ATRNL1: variants seen among roughly 807,000 people sequenced by gnomAD.
The protein encoded by ATRNL1 is attractin-like protein 1.
In ATRNL1, 95 loss-of-function variants were observed where a neutral mutation model predicts 182.7. That is an observed-to-expected ratio of 0.52 (90% CI 0.44 to 0.62). ATRNL1 has a LOEUF of 0.62. ATRNL1 is among the 20% of genes least tolerant of loss of function. The pLI, the probability that ATRNL1 is intolerant of heterozygous loss-of-function variation, is 0.00. For synonymous variants in ATRNL1, 576 were observed against 568.3 expected, an observed-to-expected ratio of 1.01 and a Z score of -0.19; for missense variants, 1,471 against 1,679.5, an observed-to-expected ratio of 0.88 and a Z score of 2.17.
At chr10:115,336,612 TA>T (rs1855492001) in intron 19 of ATRNL1, among the ~76,000 whole-genome samples, 2 of 152,234 alleles carry the variant, frequency 1.3e-5, no homozygotes, top group Admixed American at 1.3e-4. Flanking sequence ...GTATTTAATA[TA>T]AAATTGTGGT....
At chr10:115,658,210 C>G (rs1555036625) in intron 26 of ATRNL1, among the ~76,000 whole-genome samples, 1 of 150,260 alleles carries the variant, frequency 6.7e-6, no homozygotes, top group African/African-American at 2.4e-5. Flanking sequence ...ATTCTCCTGC[C>G]TCAGTCTCCT....
intron 28 of ATRNL1, among the ~76,000 whole-genome samples, chr10:115,912,619 C>T (rs1488462569): frequency 1.3e-5 from 2 of 151,646 alleles, no homozygotes; most frequent in Non-Finnish European, 2.9e-5. Context: ...TGGTCAAATA[C>T]TCAAAACAGA....
intron 5 of ATRNL1, among the ~76,000 whole-genome samples, chr10:115,145,832 T>A (rs1845947662): frequency 6.6e-6 from 1 of 152,200 alleles, no homozygotes; most frequent in Admixed American, 6.5e-5. Context: ...TTCTGGGAAA[T>A]TGCCTTTTGC....
chr10:115,639,725 T>G (rs1274669742), intron 26 of ATRNL1, among the ~76,000 whole-genome samples: 1 of 151,928 alleles, frequency 6.6e-6, no homozygotes, highest in East Asian at 1.9e-4. Flanking sequence ...CAAAATAGAT[T>G]CCTAAAGTAT....
At chr10:115,676,521 T>TG (rs1159730264) in intron 26 of ATRNL1, among the ~76,000 whole-genome samples, 2 of 151,712 alleles carry the variant, frequency 1.3e-5, no homozygotes, top group Non-Finnish European at 2.9e-5. Flanking sequence ...TAATTTGGAG[T>TG]GAGTGACTGA....
chr10:115,816,261 A>T (rs1308639878), intron 27 of ATRNL1, among the ~76,000 whole-genome samples: 1 of 152,146 alleles, frequency 6.6e-6, no homozygotes, highest in Admixed American at 6.6e-5. Flanking sequence ...GCAAAAGAAG[A>T]CTGCCTACAT....
At chr10:115,750,584 G>A (rs914434067) in intron 27 of ATRNL1, among the ~76,000 whole-genome samples, 32 of 151,402 alleles carry the variant, frequency 2.1e-4, no homozygotes, top group African/African-American at 7.5e-4. Flanking sequence ...AAATCCAGAA[G>A]CAATAAAGGA....
intron 27 of ATRNL1, among the ~76,000 whole-genome samples, chr10:115,758,577 G>A (rs1948652320): frequency 6.6e-6 from 1 of 152,206 alleles, no homozygotes; most frequent in Non-Finnish European, 1.5e-5. Context: ...CTACTGGGAG[G>A]TGTCTCCCAA....
At chr10:115,527,974 TTCCCTCCC>T (rs1230812310) in intron 25 of ATRNL1, among the ~76,000 whole-genome samples, 4 of 36,152 alleles carry the variant, frequency 1.1e-4, no homozygotes, top group East Asian at 1.2e-3. Flanking sequence ...CCCTCCCTCC[TTCCCTCCC>T]TCCCTCCCTC....
intron 21 of ATRNL1, among the ~76,000 whole-genome samples, chr10:115,453,852 A>G (rs1554968156): frequency 1.3e-5 from 2 of 151,610 alleles, no homozygotes; most frequent in African/African-American, 4.9e-5. Flanking sequence ...ATGCTAAATG[A>G]TGAGTTAATG....
At chr10:115,878,427 A>ATATC in intron 28 of ATRNL1, among the ~76,000 whole-genome samples, 1 of 152,340 alleles carries the variant, frequency 6.6e-6, no homozygotes, top group East Asian at 1.9e-4. Context: ...AGAAGCCTCA[A>ATATC]TATGCTTACC....
chr10:115,428,486 A>C (rs1846005207), intron 21 of ATRNL1, among the ~76,000 whole-genome samples: 1 of 152,072 alleles, frequency 6.6e-6, no homozygotes, highest in South Asian at 2.1e-4. Context: ...GAGGGAAAGC[A>C]TTCAGTCTTT....
At chr10:115,759,792 C>T (rs891590674) in intron 27 of ATRNL1, among the ~76,000 whole-genome samples, 31 of 149,072 alleles carry the variant, frequency 2.1e-4, no homozygotes, top group Non-Finnish European at 3.1e-4. Context: ...TCTCCTGCCT[C>T]AGCCTCCTGA....
intron 20 of ATRNL1, among the ~76,000 whole-genome samples, chr10:115,412,165 C>G (rs1392210524): frequency 3.3e-5 from 5 of 152,050 alleles, no homozygotes; most frequent in Non-Finnish European, 7.4e-5. Flanking sequence ...TTTTCTTTTG[C>G]TGGCTCTGAG....
chr10:115,486,759 A>C (rs1020106988), intron 24 of ATRNL1, among the ~76,000 whole-genome samples: 2 of 151,724 alleles, frequency 1.3e-5, no homozygotes, highest in Non-Finnish European at 2.9e-5. Flanking sequence ...CCCATTTGTC[A>C]GTTTTGGCTT....
intron 27 of ATRNL1, among the ~76,000 whole-genome samples, chr10:115,806,635 CATTA>C (rs1428957638): frequency 6.6e-6 from 1 of 152,030 alleles, no homozygotes; most frequent in African/African-American, 2.4e-5. Flanking sequence ...ATATAATATA[CATTA>C]ATTAATTGAT....
intron 28 of ATRNL1, among the ~76,000 whole-genome samples, chr10:115,857,417 C>T (rs782642135): frequency 2.0e-5 from 3 of 152,310 alleles, no homozygotes; most frequent in Non-Finnish European, 4.4e-5. Flanking sequence ...CCTACAGTCA[C>T]ATAGTAAATA....
In ATRNL1 at chr10:115,112,082, C is replaced by G. The variant is rs141428229; in HGVS notation, c.294-8103C>G. ...CAAAAAAAACCCAAAAAAAAACTTA[C>G]GATAAGTTTAACCAAAGAGGTAAAA... On this transcript the variant is annotated intron_variant, in intron 1 of 28. Transcript: ENST00000355044. Among the ~76,000 whole-genome samples, 5 of 150,906 alleles carry G rather than the reference C, an allele frequency of 3.3e-5. No homozygotes were observed. The South Asian group carries it at 6.3e-4, about 19-fold the overall frequency.
chr10:115,207,770 GTTC>G (rs1554894101), intron 8 of ATRNL1, among the ~76,000 whole-genome samples: 1 of 151,654 alleles, frequency 6.6e-6, no homozygotes, highest in African/African-American at 2.4e-5. Flanking sequence ...TCTTATCTTT[GTTC>G]TTCTGCTTTT....
Sources: allele counts gnomAD v4.1 joint callset (sites outside exome capture counted in the v4.1 genomes callset), GRCh38; gene constraint gnomAD v4.1.1; transcripts MANE v1.5; gene names NCBI Gene and HGNC (gene_info 2026-07-23, HGNC 2026-07-21).